Variants in MYCBPAP observed in about 807,000 individuals in gnomAD.
MYCBPAP encodes MYCBP associated protein.
MYCBPAP carries 60 observed loss-of-function variants against 106.1 expected under a neutral mutation model. The ratio of observed to expected loss-of-function variants is 0.57; its 90% confidence interval spans 0.46 to 0.70. The LOEUF (loss-of-function observed/expected upper bound fraction) is 0.70, where lower values mean the gene tolerates loss of function less well. Among genes scored for constraint, MYCBPAP ranks in the 30% least tolerant of loss-of-function variants. MYCBPAP has a pLI of 0.00. For missense variants in MYCBPAP, 1,064 were observed against 1,169.3 expected (o/e 0.91, Z 1.31); for synonymous variants, 407 against 440.6 (o/e 0.92, Z 0.95).
rs983273626 is a variant in MYCBPAP, at chr17:50,517,845, A to G, written c.468+147A>G. On this transcript the variant is annotated intron_variant, in intron 4 of 18. Coordinates refer to ENST00000323776, the MANE Select transcript of MYCBPAP (RefSeq NM_032133.6). ...AGTTGATAAGGGACCCTCTCCCAGA[A>G]TAGTTGGACACTTCAGGCAGCTGAA... is the stretch of plus-strand genomic sequence containing the variant. 26 of 661,798 alleles carry G rather than the reference A, an allele frequency of 3.9e-5. 1 individual carries two copies. Among genetic ancestry groups the G allele is most frequent in the Non-Finnish European group, 6.3e-5 (24 of 379,384 alleles). The allele number at this position is 661,798 out of a possible 1,614,324, so 41.0% of individuals were successfully genotyped here. A position where few individuals can be genotyped will look rare whatever the true frequency, so the allele number is the denominator to read the frequency against.
chr17:50,521,953 G>A lies in MYCBPAP; in HGVS notation c.1149-20G>A, dbSNP rs1314030357. On this transcript the variant is annotated intron_variant, in intron 9 of 18. Transcript: ENST00000323776. ...ACTGTGGCAGCCTAAGAGAAAATAA[G>A]TCATTGGCTTTTCTTACAGAGGCAC... is the stretch of plus-strand genomic sequence containing the variant. 1 of 1,608,934 alleles carries A rather than the reference G, an allele frequency of 6.2e-7. No individual in the cohort carries two copies. Among genetic ancestry groups the A allele is most frequent in the South Asian group, 1.1e-5 (1 of 90,962 alleles).
chr17:50,525,145 T>A, intron 13 of MYCBPAP, 122 bp downstream of exon 13: 1 of 1,187,272 alleles, frequency 8.4e-7, no homozygotes, highest in Non-Finnish European at 1.2e-6. Context: ...GAGCTCTGCC[T>A]CCTGTCAGAT....
chr17:50,523,664 C>T lies in MYCBPAP; in HGVS notation c.1515C>T (p.Phe505=). The T allele has an allele frequency of 6.2e-7, 1 of 1,614,194 alleles. No individual in the cohort carries two copies. The highest frequency in any genetic ancestry group is 8.5e-7 in the Non-Finnish European group (1 of 1,180,022). ...FFFKSLTAGV[F]REFWEFRTHP... Reference sequence around the variant, plus strand: ...TCAAGTCTTTGACTGCTGGGGTCTTCAGGGAATTTTGGGAGTTTCGAACCC... The same window carrying T: ...TCAAGTCTTTGACTGCTGGGGTCTTTAGGGAATTTTGGGAGTTTCGAACCC... Residue 505 remains phenylalanine, a synonymous_variant, in exon 12 of 19, where the codon TTC becomes TTT. Coordinates refer to ENST00000323776, the MANE Select transcript of MYCBPAP (RefSeq NM_032133.6).
In MYCBPAP at chr17:50,508,484, C is replaced by A. The variant is rs2033694867; in HGVS notation, c.-191C>A. On this transcript the variant is annotated 5_prime_UTR_variant, in exon 1 of 19. Coordinates refer to ENST00000323776, the MANE Select transcript of MYCBPAP (RefSeq NM_032133.6). ...CGCTCTTGAAGCCGCCGGCGGCGGG[C>A]GCGTGCGCGGCCCGATGAAGAAGGA... The A allele has an allele frequency of 1.4e-6, 2 of 1,470,106 alleles. No homozygotes were observed. The highest frequency in any genetic ancestry group is 2.6e-5 in the South Asian group (2 of 78,152). The allele number at this position is 1,470,106 out of a possible 1,614,324, so 91.1% of individuals were successfully genotyped here.
At chr17:50,527,208 AT>A in intron 14 of MYCBPAP, 78 bp from the exon 15 acceptor site, 1 of 1,580,686 alleles carries the variant, frequency 6.3e-7, no homozygotes, top group Non-Finnish European at 8.6e-7. Flanking sequence ...CCTGCCACCC[AT>A]CCCCACATCA....
chr17:50,516,529 G>A, intron 1 of MYCBPAP, 41 bp from the exon 2 acceptor site: 1 of 1,604,418 alleles, frequency 6.2e-7, no homozygotes, highest in Non-Finnish European at 8.5e-7. Context: ...ATATACAGAA[G>A]GAGCTCTTTA....
chr17:50,530,947 T>TC (rs1472514650), intron 18 of MYCBPAP, among the ~76,000 whole-genome samples: 1 of 152,140 alleles, frequency 6.6e-6, no homozygotes, highest in Non-Finnish European at 1.5e-5. Flanking sequence ...GCCCAGGAGT[T>TC]CGAGACTAGC....
chr17:50,526,614 G>C (rs2143989536), intron 14 of MYCBPAP, among the ~76,000 whole-genome samples: 1 of 151,540 alleles, frequency 6.6e-6, no homozygotes, highest in South Asian at 2.1e-4. Context: ...ATGGAATCTT[G>C]CTGTGTTGCC....
At chr17:50,529,493 T>C in intron 18 of MYCBPAP, 1 of 383,774 alleles carries the variant, frequency 2.6e-6, no homozygotes, top group East Asian at 6.1e-5. Flanking sequence ...CAGTAAAGAG[T>C]GCTCCAGGCA....
Position 50,528,029 on chromosome 17 carries a change from TC to T in MYCBPAP, c.2292-125del, listed in dbSNP as rs2143997138. 1.4e-5 allele frequency: 11 copies of T among 767,006 alleles called. No homozygotes were observed. In the South Asian group the frequency reaches 1.7e-4, roughly 12 times the overall value. 47.5% of individuals were successfully genotyped at this position (767,006 alleles called of 1,614,324 possible). A position where few individuals can be genotyped will look rare whatever the true frequency, so the allele number is the denominator to read the frequency against. On this transcript the variant is annotated intron_variant, in intron 15 of 18. Coordinates refer to ENST00000323776, the MANE Select transcript of MYCBPAP (RefSeq NM_032133.6). ...GGGGAACAGTGAGGATGCTGGCTGT[TC>T]AGGGGTGTGGCATTTCCACAGCAGC... is the stretch of plus-strand genomic sequence containing the variant.
intron 1 of MYCBPAP, chr17:50,514,965 G>T: frequency 2.3e-6 from 1 of 426,210 alleles, no homozygotes; most frequent in South Asian, 1.7e-5. Flanking sequence ...CCTTCACATG[G>T]CTCACTGAGC....
In MYCBPAP at chr17:50,525,869, C is replaced by T; in HGVS notation, c.1783-12C>T. ...GCCTCCCCCTCACATGCCTTCCCATCCTCTGCTGCAGCTGCATTATGAGCA... is the reference window on the plus strand; with the variant it reads ...GCCTCCCCCTCACATGCCTTCCCATTCTCTGCTGCAGCTGCATTATGAGCA... On this transcript the variant is annotated splice_polypyrimidine_tract_variant and intron_variant, in intron 13 of 18. Transcript: ENST00000323776. 2.5e-6 allele frequency: 4 copies of T among 1,585,216 alleles called. No homozygotes were observed. The South Asian group carries it at 3.4e-5, about 14-fold the overall frequency.
intron 1 of MYCBPAP, chr17:50,510,499 G>GTGTGTATATATATA (rs1418345705): frequency 6.7e-4 from 51 of 76,392 alleles, no homozygotes; most frequent in African/African-American, 2.1e-3. Context: ...GTGTGTGTGT[G>GTGTGTATATATATA]TATATATATA....
chr17:50,518,844 G>T, intron 5 of MYCBPAP, 120 bp downstream of exon 5: 1 of 1,469,416 alleles, frequency 6.8e-7, no homozygotes, highest in East Asian at 2.3e-5. Context: ...TCACTCCCAA[G>T]AGTGTCTCAC....
At chr17:50,525,781 G>C in intron 13 of MYCBPAP, 100 bp from the exon 14 acceptor site, 1 of 1,407,428 alleles carries the variant, frequency 7.1e-7, no homozygotes, top group South Asian at 1.4e-5. Context: ...TTGAGCCACT[G>C]TGCCTGGCCC....
chr17:50,524,204 C>T (rs996944678), intron 12 of MYCBPAP, among the ~76,000 whole-genome samples: 2 of 152,218 alleles, frequency 1.3e-5, no homozygotes, highest in Non-Finnish European at 2.9e-5. Flanking sequence ...AGTCTGCCCA[C>T]CGTCCCACTC....
At position 50,531,365 on chromosome 17, in the gene MYCBPAP, G is replaced by A; in HGVS notation, c.2763G>A (p.Met921Ile). The change falls in exon 19 of 19, where the codon ATG (methionine) becomes ATA (isoleucine). Residue 921 changes from methionine (M) to isoleucine (I), a missense_variant. Met to Ile is a conservative substitution (Grantham distance 10). Transcript: ENST00000323776. ...TGGACACCCTGGTGACTGACCTGAT[G>A]GTCCTGGCTGATGAGCTCAGCCCCA... is the stretch of plus-strand genomic sequence containing the variant. ...GLLDTLVTDL[M>I]VLADELSPIK... 1.2e-6 allele frequency: 2 copies of A among 1,613,550 alleles called. No homozygotes were observed. Among genetic ancestry groups the A allele is most frequent in the Non-Finnish European group, 1.7e-6 (2 of 1,179,860 alleles).
In MYCBPAP at chr17:50,519,775, C is replaced by T. The variant is rs952891599; in HGVS notation, c.904C>T (p.Arg302Trp). The T allele has an allele frequency of 1.2e-5, 20 of 1,613,508 alleles. No individual in the cohort carries two copies. The highest frequency in any genetic ancestry group is 1.6e-5 in the Non-Finnish European group (19 of 1,179,858). Residue 302 changes from arginine (R) to tryptophan (W), a missense_variant, in exon 7 of 19, where the codon CGG (arginine) becomes TGG (tryptophan). Coordinates refer to ENST00000323776, the MANE Select transcript of MYCBPAP (RefSeq NM_032133.6). Reference sequence around the variant, plus strand: ...TCACATCAGGAAGCCCCACTCCATCCGGGTGGAGACAGGTGAGGCGCAGGG... The same window carrying T: ...TCACATCAGGAAGCCCCACTCCATCTGGGTGGAGACAGGTGAGGCGCAGGG... Reference protein sequence around the residue: ...ITHIRKPHSIRVETGLPAQRD... With the variant: ...ITHIRKPHSIWVETGLPAQRD...
Position 50,528,169 on chromosome 17 carries a change from G to A in MYCBPAP, c.2306G>A (p.Arg769Gln), listed in dbSNP as rs752523761. ...LLHQMCLQLW[R>Q]DVIDSLVGHS... The stretch of plus-strand genomic sequence containing the variant: ...TTGCCCTCTAGTTTGCAGCTGTGGC[G>A]AGATGTGATTGACAGCCTGGTGGGC... The change falls in exon 16 of 19, where the codon CGA becomes CAA. Residue 769 changes from arginine to glutamine, a missense_variant. By Grantham distance (43) the Arg-to-Gln change is conservative (BLOSUM62 1). Coordinates refer to ENST00000323776, the MANE Select transcript of MYCBPAP (RefSeq NM_032133.6). The A allele has an allele frequency of 6.2e-6, 10 of 1,614,112 alleles. No homozygotes were observed. Among genetic ancestry groups the A allele is most frequent in the Middle Eastern group, 1.7e-4 (1 of 6,060 alleles).
Sources: gnomAD v4.1 joint callset for allele counts (sites outside exome capture counted in the v4.1 genomes callset) on GRCh38, gnomAD v4.1.1 for gene constraint, MANE v1.5 for transcripts, NCBI Gene and HGNC (gene_info 2026-07-23, HGNC 2026-07-21) for gene names.